Variants in DCDC2C observed in about 807,000 individuals in gnomAD.
DCDC2C encodes the protein doublecortin domain containing 2C.
DCDC2C carries 44 observed loss-of-function variants against 45.0 expected under a neutral mutation model. The ratio of observed to expected loss-of-function variants is 0.98; its 90% CI spans 0.77 to 1.26. DCDC2C has a LOEUF of 1.26. Ranked by LOEUF, DCDC2C falls within the 50% of genes most tolerant of loss-of-function variation. The pLI, the probability that DCDC2C is intolerant of heterozygous loss-of-function variation, is 0.00. For missense variants in DCDC2C, 447 were observed against 468.9 expected (o/e 0.95, Z 0.43); for synonymous variants, 187 against 178.8 (o/e 1.05, Z -0.37).
intron 9 of DCDC2C, 118 bp downstream of exon 9, chr2:3,779,002 C>T (rs1211812419): frequency 7.9e-6 from 8 of 1,018,398 alleles, no homozygotes; most frequent in Non-Finnish European, 1.2e-5. Context: ...AAAACACAAG[C>T]CAGCGCGGAA....
chr2:3,824,061 C>G (rs888201894), intron 10 of DCDC2C, among the ~76,000 whole-genome samples: 1 of 152,224 alleles, frequency 6.6e-6, no homozygotes, highest in Non-Finnish European at 1.5e-5. Flanking sequence ...TGGATTCAGT[C>G]CATGGACTGT....
intron 3 of DCDC2C, among the ~76,000 whole-genome samples, chr2:3,739,016 C>T (rs1481842277): frequency 1.3e-5 from 2 of 152,176 alleles, no homozygotes. Context: ...TCTGCTCAAC[C>T]AGCAAATTTT....
intron 6 of DCDC2C, among the ~76,000 whole-genome samples, chr2:3,763,918 C>T (rs1206556193): frequency 1.3e-5 from 2 of 152,172 alleles, no homozygotes; most frequent in Non-Finnish European, 2.9e-5. Flanking sequence ...AATGAATTCA[C>T]CCACCAGAGC....
intron 4 of DCDC2C, among the ~76,000 whole-genome samples, chr2:3,742,342 C>A (rs1305090649): frequency 5.3e-5 from 8 of 152,128 alleles, no homozygotes; most frequent in Admixed American, 4.6e-4. Flanking sequence ...GTGGGCCGAC[C>A]GTTCAAGTTG....
chr2:3,727,198 C>T (rs79382070), intron 3 of DCDC2C, 119 bp downstream of exon 3: 90,132 of 763,524 alleles, frequency 0.12, 6,209 homozygotes, highest in East Asian at 0.14. Context: ...CTCCCCTCCC[C>T]CTGCTCTCTT....
At chr2:3,743,517 G>A (rs1432327073) in intron 4 of DCDC2C, among the ~76,000 whole-genome samples, 1 of 152,140 alleles carries the variant, frequency 6.6e-6, no homozygotes, top group East Asian at 1.9e-4. Context: ...TCAAGTCTTA[G>A]CAAATGTAAG....
intron 10 of DCDC2C, among the ~76,000 whole-genome samples, chr2:3,843,087 T>C (rs1672253553): frequency 6.6e-6 from 1 of 152,182 alleles, no homozygotes; most frequent in Non-Finnish European, 1.5e-5. Context: ...GTGATCAAAT[T>C]TATGTTTCTA....
chr2:3,785,854 T>TGAA (rs1439004301), intron 10 of DCDC2C, among the ~76,000 whole-genome samples: 1 of 152,142 alleles, frequency 6.6e-6, no homozygotes, highest in African/African-American at 2.4e-5. Context: ...AGCCAGCGTC[T>TGAA]GCACACCCTG....
At chr2:3,722,708 A>C (rs1032321708) in intron 2 of DCDC2C, among the ~76,000 whole-genome samples, 3 of 152,204 alleles carry the variant, frequency 2.0e-5, no homozygotes, top group African/African-American at 7.2e-5. Context: ...TTTATGAAGT[A>C]CAGAGAAAAA....
At chr2:3,778,961 G>T in intron 9 of DCDC2C, 77 bp downstream of exon 9, 1 of 1,391,102 alleles carries the variant, frequency 7.2e-7, no homozygotes, top group East Asian at 2.5e-5. Flanking sequence ...ACGTTTGGTG[G>T]TGAAAGGATC....
intron 3 of DCDC2C, among the ~76,000 whole-genome samples, chr2:3,733,791 G>T (rs180715041): frequency 6.6e-6 from 1 of 152,212 alleles, no homozygotes; most frequent in Non-Finnish European, 1.5e-5. Flanking sequence ...TTACACTGGG[G>T]ATTTGGTTTC....
intron 2 of DCDC2C, among the ~76,000 whole-genome samples, chr2:3,719,580 A>G (rs1668437569): frequency 6.6e-6 from 1 of 152,134 alleles, no homozygotes; most frequent in South Asian, 2.1e-4. Context: ...GGGATGGGGC[A>G]GCCATGTCAG....
intron 10 of DCDC2C, among the ~76,000 whole-genome samples, chr2:3,799,852 C>T (rs1318166104): frequency 6.6e-6 from 1 of 152,276 alleles, no homozygotes; most frequent in Non-Finnish European, 1.5e-5. Flanking sequence ...AGAGGTGGAG[C>T]CTGCAGAGGC....
intron 5 of DCDC2C, 98 bp downstream of exon 5, chr2:3,752,998 T>A: frequency 7.7e-7 from 1 of 1,297,944 alleles, no homozygotes; most frequent in African/African-American, 1.5e-5. Context: ...CTATTGGTTA[T>A]TTTTCAGTAG....
intron 10 of DCDC2C, among the ~76,000 whole-genome samples, chr2:3,792,428 G>T (rs1466130103): frequency 6.6e-6 from 1 of 152,140 alleles, no homozygotes; most frequent in East Asian, 1.9e-4. Context: ...ACAAGCCATT[G>T]TAGTCACAAA....
At chr2:3,774,336 C>A (rs1322663722) in intron 8 of DCDC2C, among the ~76,000 whole-genome samples, 2 of 152,230 alleles carry the variant, frequency 1.3e-5, no homozygotes, top group East Asian at 3.8e-4. Flanking sequence ...TTTAAACAAT[C>A]AGGAACGTTT....
At chr2:3,809,600 T>C (rs745895761) in intron 10 of DCDC2C, among the ~76,000 whole-genome samples, 1 of 152,228 alleles carries the variant, frequency 6.6e-6, no homozygotes, top group Non-Finnish European at 1.5e-5. Context: ...AGCTCATTGA[T>C]GAGTTCTGGT....
At chr2:3,762,902 G>A (rs1669917335) in intron 6 of DCDC2C, among the ~76,000 whole-genome samples, 1 of 152,144 alleles carries the variant, frequency 6.6e-6, no homozygotes, top group South Asian at 2.1e-4. Flanking sequence ...CTGACAAGCT[G>A]GGGAACAGCA....
At chr2:3,704,061 C>CGCGCCCT in intron 1 of DCDC2C, 23 bp downstream of exon 1, 1 of 1,244,466 alleles carries the variant, frequency 8.0e-7, no homozygotes, top group Non-Finnish European at 1.0e-6. Context: ...GCGCCCCCCA[C>CGCGCCCT]GCGCCCTGCG....
Sources: gnomAD v4.1 joint callset for allele counts (sites outside exome capture counted in the v4.1 genomes callset) on GRCh38, gnomAD v4.1.1 for gene constraint, MANE v1.5 for transcripts, NCBI Gene and HGNC (gene_info 2026-07-23, HGNC 2026-07-21) for gene names.